PXYLP1: variants seen among roughly 807,000 people sequenced by gnomAD.
PXYLP1 encodes acid phosphatase-like 2.
Under a neutral mutation model 37.9 loss-of-function variants are expected in PXYLP1, and 17 were observed. The observed-to-expected ratio is 0.45, with a 90% CI of 0.31 to 0.67. PXYLP1 has a LOEUF of 0.67. Ranked by LOEUF, PXYLP1 falls within the 30% of genes least tolerant of loss-of-function variation. The probability of loss-of-function intolerance (pLI) is 0.07; values close to 1 mark genes in which losing one functional copy is unlikely to be tolerated. For synonymous variants in PXYLP1, 221 were observed against 232.2 expected, an observed-to-expected ratio of 0.95 and a Z score of 0.44; for missense variants, 511 against 612.0, an observed-to-expected ratio of 0.84 and a Z score of 1.74.
intron 2 of PXYLP1, 23 bp from the exon 3 acceptor site, chr3:141,278,319 C>A: frequency 2.5e-6 from 4 of 1,613,758 alleles, no homozygotes; most frequent in Non-Finnish European, 3.4e-6. Context: ...CTGTGCGTCA[C>A]AACCTGCCTT....
chr3:141,268,210 T>A (rs4068570), intron 2 of PXYLP1, among the ~76,000 whole-genome samples: 2,309 of 46,568 alleles, frequency 0.05, 13 homozygotes, highest in Non-Finnish European at 0.11. Context: ...AGAGAGAGTG[T>A]GTGTGTGTGT....
intron 2 of PXYLP1, among the ~76,000 whole-genome samples, chr3:141,269,746 T>C (rs769086030): frequency 2.6e-5 from 4 of 152,246 alleles, no homozygotes; most frequent in Non-Finnish European, 4.4e-5. Context: ...ACAGGTTCTT[T>C]TCATGGTTCT....
At chr3:141,275,927 A>G (rs1941783436) in intron 2 of PXYLP1, among the ~76,000 whole-genome samples, 1 of 152,266 alleles carries the variant, frequency 6.6e-6, no homozygotes, top group East Asian at 1.9e-4. Flanking sequence ...GACTTCCATC[A>G]ACGACAGAAC....
chr3:141,266,255 T>C (rs937245329), intron 2 of PXYLP1, among the ~76,000 whole-genome samples: 1 of 152,210 alleles, frequency 6.6e-6, no homozygotes, highest in Non-Finnish European at 1.5e-5. Context: ...TCATGTAAAC[T>C]TCCAGCTCCT....
chr3:141,293,019 C>T lies in PXYLP1; in HGVS notation c.1257C>T (p.Val419=), dbSNP rs768028070. 44 of 1,614,072 alleles carry T rather than the reference C, an allele frequency of 2.7e-5. No individual in the cohort carries two copies. The Admixed American group carries it at 7.2e-4, about 26-fold the overall frequency. ...GAGAAAAGCCCAGTGAACATTCCGTCCGGATTCTTTACAATGGCGTCGATG... is the reference window on the plus strand; with the variant it reads ...GAGAAAAGCCCAGTGAACATTCCGTTCGGATTCTTTACAATGGCGTCGATG... ...QDREKPSEHS[V]RILYNGVDVT... The change falls in exon 6 of 6, where the codon GTC becomes GTT. Residue 419 remains valine, a synonymous_variant. Transcript: ENST00000286353.
At chr3:141,278,536 T>A (rs752266119) in intron 3 of PXYLP1, 36 bp downstream of exon 3, 5 of 1,610,030 alleles carry the variant, frequency 3.1e-6, no homozygotes, top group Non-Finnish European at 4.2e-6. Flanking sequence ...AGATACCCCT[T>A]TGGGGACTAG....
At chr3:141,285,144 C>CTTTTCT (rs763505752) in intron 4 of PXYLP1, among the ~76,000 whole-genome samples, 19 of 78,760 alleles carry the variant, frequency 2.4e-4, no homozygotes, top group South Asian at 2.1e-3. Flanking sequence ...TTTTCTTTTT[C>CTTTTCT]TTTTTTTTTT....
Position 141,287,335 on chromosome 3 carries a change from G to A in PXYLP1, c.387G>A (p.Leu129=). The change falls in exon 5 of 6, where the codon CTG becomes CTA. Residue 129 remains leucine (L), a synonymous_variant. Transcript: ENST00000286353. ...VANRKPYHPK[L]EAFISHMSKG... is the part of the protein sequence containing the mutation. ...CTAGGAAACCGTATCACCCAAAACT[G>A]GAAGCTTTCATTAGTCACATGTCAA... 6.2e-7 allele frequency: 1 copy of A among 1,614,126 alleles called. No homozygotes were observed. Among genetic ancestry groups the A allele is most frequent in the Non-Finnish European group, 8.5e-7 (1 of 1,180,000 alleles).
intron 1 of PXYLP1, among the ~76,000 whole-genome samples, chr3:141,248,497 G>GTATA (rs72060928): frequency 1.7e-5 from 2 of 117,464 alleles, no homozygotes; most frequent in African/African-American, 4.7e-5. Context: ...GTGCGTGTGT[G>GTATA]TATATATATA....
intron 1 of PXYLP1, among the ~76,000 whole-genome samples, chr3:141,258,137 A>G (rs978576146): frequency 3.9e-5 from 6 of 152,146 alleles, no homozygotes; most frequent in African/African-American, 9.7e-5. Context: ...ACCAGCAGGC[A>G]GGTCGGCCTC....
At chr3:141,281,022 T>C (rs960220543) in intron 4 of PXYLP1, among the ~76,000 whole-genome samples, 1 of 152,236 alleles carries the variant, frequency 6.6e-6, no homozygotes, top group Non-Finnish European at 1.5e-5. Flanking sequence ...ACCCTCATAG[T>C]ATTACATTTA....
intron 2 of PXYLP1, 47 bp downstream of exon 2, chr3:141,260,301 T>C: frequency 6.3e-7 from 1 of 1,597,264 alleles, no homozygotes; most frequent in South Asian, 1.1e-5. Context: ...AGGGGCTTCA[T>C]AGGAAACAAG....
chr3:141,283,825 A>G (rs1001916568), intron 4 of PXYLP1, among the ~76,000 whole-genome samples: 1 of 151,686 alleles, frequency 6.6e-6, no homozygotes, highest in Non-Finnish European at 1.5e-5. Flanking sequence ...TAAATAAACA[A>G]TAAATGTTCT....
In PXYLP1 at chr3:141,275,836, C is replaced by T. The variant is rs149848854; in HGVS notation, c.80-2506C>T. Among the ~76,000 whole-genome samples, 413 of 151,086 alleles carry T rather than the reference C, an allele frequency of 2.7e-3. 3 individuals carry two copies. Among genetic ancestry groups the T allele is most frequent in the African/African-American group, 9.3e-3 (384 of 41,172 alleles). On this transcript the variant is annotated intron_variant, in intron 2 of 5. Transcript: ENST00000286353. ...TGCTTACCTAGACAGCATAGAAATACAGAAATATATATTTCTATACATATA... is the reference window on the plus strand; with the variant it reads ...TGCTTACCTAGACAGCATAGAAATATAGAAATATATATTTCTATACATATA...
intron 2 of PXYLP1, among the ~76,000 whole-genome samples, chr3:141,266,735 G>A (rs1292352356): frequency 2.0e-5 from 3 of 151,728 alleles, no homozygotes; most frequent in Admixed American, 2.0e-4. Flanking sequence ...GGGAAAGAGT[G>A]TGCATGTGTT....
chr3:141,269,346 T>C (rs1375708679), intron 2 of PXYLP1, among the ~76,000 whole-genome samples: 1 of 152,228 alleles, frequency 6.6e-6, no homozygotes, highest in East Asian at 1.9e-4. Flanking sequence ...AGGGCACATA[T>C]ATACTCAAAT....
chr3:141,262,267 G>A (rs1941409489), intron 2 of PXYLP1: 1 of 991,306 alleles, frequency 1.0e-6, no homozygotes, highest in African/African-American at 1.7e-5. Context: ...TCAAAAGAAG[G>A]TGGGCATCAG....
rs1216435408 is a variant in PXYLP1 at position 141,233,037 on chromosome 3, C to T, written c.-54+1126C>T. 6.7e-5 allele frequency among the ~76,000 whole-genome samples: 4 copies of T among 59,610 alleles called. No individual in the cohort carries two copies. The South Asian group carries it at 2.6e-3, about 39-fold the overall frequency. The allele number at this position is 59,610 out of a possible 152,430, so 39.1% of individuals were successfully genotyped here. A position where few individuals can be genotyped will look rare whatever the true frequency, so the allele number is the denominator to read the frequency against. ...CGTTTGTTGATATTTGCAGAAGGCC[C>T]GTGGGTGTGAAGCTGGCAGTGCGGA... On this transcript the variant is annotated intron_variant, in intron 1 of 5. Transcript: ENST00000286353.
At chr3:141,291,670 G>C (rs987659363) in intron 5 of PXYLP1, 3 of 153,474 alleles carry the variant, frequency 2.0e-5, no homozygotes, top group Non-Finnish European at 4.4e-5. Flanking sequence ...ATATCATACA[G>C]AGAATGCATG....
Sources: allele counts gnomAD v4.1 joint callset (sites outside exome capture counted in the v4.1 genomes callset), GRCh38; gene constraint gnomAD v4.1.1; transcripts MANE v1.5; gene names NCBI Gene and HGNC (gene_info 2026-07-23, HGNC 2026-07-21).